The following ITGBL1 variants were observed in gnomAD, a reference collection of about 807,000 sequenced individuals.
ITGBL1 encodes the protein integrin beta-like protein 1.
Under a neutral mutation model 68.5 loss-of-function variants are expected in ITGBL1, and 51 were observed. The observed-to-expected ratio is 0.74, with a 90% confidence interval of 0.59 to 0.94. The LOEUF is 0.94. Among genes scored for constraint, ITGBL1 ranks in the 40% least tolerant of loss-of-function variants. The pLI is 0.00. For synonymous variants in ITGBL1, 209 were observed against 227.3 expected, an observed-to-expected ratio of 0.92 and a Z score of 0.72; for missense variants, 649 against 647.4, an observed-to-expected ratio of 1.00 and a Z score of -0.03.
At chr13:101,635,669 T>A (rs1231618223) in intron 7 of ITGBL1, among the ~76,000 whole-genome samples, 1 of 152,062 alleles carries the variant, frequency 6.6e-6, no homozygotes, top group Admixed American at 6.6e-5. Flanking sequence ...GTACTATAGA[T>A]TAAATGTGCA....
rs778714637 is a variant in ITGBL1 at position 101,567,837 on chromosome 13, C to G, written c.455C>G (p.Ser152Cys). 8 of 1,612,670 alleles carry G rather than the reference C, an allele frequency of 5.0e-6. No individual in the cohort carries two copies. The highest frequency in any genetic ancestry group is 1.3e-5 in the African/African-American group (1 of 74,936). ...MCKNSQDIICSNAGTCHCGRC... is the reference protein window; with the variant it reads ...MCKNSQDIICCNAGTCHCGRC... ...AAGAATTCACAAGACATCATCTGCTCTAATGCAGGTAAGAAGTATACCCTG... is the reference window on the plus strand; with the variant it reads ...AAGAATTCACAAGACATCATCTGCTGTAATGCAGGTAAGAAGTATACCCTG... The change falls in exon 3 of 11, where the codon TCT becomes TGT. Residue 152 changes from serine (S) to cysteine (C), a missense_variant. Transcript: ENST00000376180.
intron 9 of ITGBL1, among the ~76,000 whole-genome samples, chr13:101,710,426 C>T (rs1237368925): frequency 1.3e-5 from 2 of 152,126 alleles, no homozygotes; most frequent in African/African-American, 4.8e-5. Flanking sequence ...CACAGTTACT[C>T]CTGGTTCCAG....
intron 7 of ITGBL1, among the ~76,000 whole-genome samples, chr13:101,614,419 T>C (rs143135101): frequency 6.6e-6 from 1 of 152,202 alleles, no homozygotes; most frequent in Admixed American, 6.5e-5. Context: ...ATGCATATTT[T>C]CTTATGTGTT....
intron 7 of ITGBL1, among the ~76,000 whole-genome samples, chr13:101,612,720 A>T (rs2031191452): frequency 6.6e-6 from 1 of 152,122 alleles, no homozygotes; most frequent in Non-Finnish European, 1.5e-5. Context: ...ATGTGTTAGG[A>T]GGCCTGGAGT....
At chr13:101,640,396 G>A (rs2032321106) in intron 7 of ITGBL1, among the ~76,000 whole-genome samples, 1 of 152,072 alleles carries the variant, frequency 6.6e-6, no homozygotes, top group African/African-American at 2.4e-5. Context: ...AGAATACAAT[G>A]TCCCAGACCA....
Position 101,546,933 on chromosome 13 carries a change from A to T in ITGBL1, c.317-20766A>T, listed in dbSNP as rs147647609. The stretch of plus-strand genomic sequence containing the variant: ...CAATGTGAAGGAAAAACAATTCTCA[A>T]ATATTTTAGTATCAGTAGATCTCTA... On this transcript the variant is annotated intron_variant, in intron 2 of 10. Coordinates refer to ENST00000376180, the MANE Select transcript of ITGBL1 (RefSeq NM_004791.3). Among the ~76,000 whole-genome samples the T allele has an allele frequency of 2.0e-5, 3 of 152,174 alleles. No individual in the cohort carries two copies. In the East Asian group the frequency reaches 5.8e-4, roughly 29 times the overall value.
chr13:101,607,133 C>G (rs951917079), intron 7 of ITGBL1, among the ~76,000 whole-genome samples: 1 of 151,902 alleles, frequency 6.6e-6, no homozygotes, highest in African/African-American at 2.4e-5. Context: ...TTTATGTGCA[C>G]TTTGTCAACA....
chr13:101,712,655 C>A (rs2034525172), intron 9 of ITGBL1: 1 of 152,152 alleles, frequency 6.6e-6, no homozygotes, highest in Non-Finnish European at 1.5e-5. Flanking sequence ...AAATAAAACA[C>A]TAAGTATGGT....
intron 2 of ITGBL1, among the ~76,000 whole-genome samples, chr13:101,558,083 C>CAAAAAAAAAAAAAAAA (rs568103738): frequency 1.4e-5 from 1 of 71,688 alleles, no homozygotes; most frequent in African/African-American, 6.8e-5. Flanking sequence ...AACTCCGTCT[C>CAAAAAAAAAAAAAAAA]AAAAAAAAAA....
At chr13:101,673,887 C>G (rs900906728) in intron 7 of ITGBL1, among the ~76,000 whole-genome samples, 7 of 152,186 alleles carry the variant, frequency 4.6e-5, no homozygotes, top group African/African-American at 1.7e-4. Flanking sequence ...TCAGCAATCA[C>G]TTCCCTCTGA....
At chr13:101,654,421 A>G (rs566412598) in intron 7 of ITGBL1, among the ~76,000 whole-genome samples, 1 of 152,196 alleles carries the variant, frequency 6.6e-6, no homozygotes, top group African/African-American at 2.4e-5. Flanking sequence ...CAGGTAGAAG[A>G]TGATGGTGGC....
intron 2 of ITGBL1, among the ~76,000 whole-genome samples, chr13:101,477,357 A>G (rs1052522969): frequency 6.6e-6 from 1 of 152,076 alleles, no homozygotes; most frequent in African/African-American, 2.4e-5. Context: ...AGGAAAGTTT[A>G]TAGTAATAAG....
chr13:101,603,549 C>G (rs2030518650), intron 7 of ITGBL1, among the ~76,000 whole-genome samples: 1 of 151,988 alleles, frequency 6.6e-6, no homozygotes, highest in African/African-American at 2.4e-5. Flanking sequence ...TCATATCCCT[C>G]AGACTGCTTA....
intron 7 of ITGBL1, among the ~76,000 whole-genome samples, chr13:101,653,096 GAAACA>G (rs1410601281): frequency 6.9e-6 from 1 of 145,822 alleles, no homozygotes; most frequent in African/African-American, 2.5e-5. Context: ...AACTGAGAAA[GAAACA>G]AAGAAAGAAA....
At position 101,686,808 on chromosome 13, in the gene ITGBL1, T is replaced by A. The variant is rs2033765109; in HGVS notation, c.1016-5777T>A. Among the ~76,000 whole-genome samples, 3 of 152,098 alleles carry A rather than the reference T, an allele frequency of 2.0e-5. No homozygotes were observed. The South Asian group carries it at 6.2e-4, about 32-fold the overall frequency. ...TATAAACCCAGAGCAGAGTTTTATT[T>A]CCAGAATTAGTTTTACATATAAAAT... On this transcript the variant is annotated intron_variant, in intron 7 of 10. Transcript: ENST00000376180.
At chr13:101,606,132 C>CACG (rs2030838686) in intron 7 of ITGBL1, among the ~76,000 whole-genome samples, 1 of 143,092 alleles carries the variant, frequency 7.0e-6, no homozygotes, top group Admixed American at 7.1e-5. Flanking sequence ...ATATAGCCTT[C>CACG]ACGTGGTCCC....
intron 2 of ITGBL1, among the ~76,000 whole-genome samples, chr13:101,483,524 G>A (rs1291033749): frequency 6.6e-6 from 1 of 152,100 alleles, no homozygotes. Flanking sequence ...ACTGGAGAAG[G>A]AGAAAAATGT....
intron 7 of ITGBL1, among the ~76,000 whole-genome samples, chr13:101,616,791 G>A (rs2031381519): frequency 2.0e-5 from 3 of 152,086 alleles, no homozygotes; most frequent in Admixed American, 2.0e-4. Context: ...GCAGGCAGCC[G>A]ATAGCTAGTT....
intron 8 of ITGBL1, among the ~76,000 whole-genome samples, chr13:101,695,840 T>C (rs1448278032): frequency 6.6e-6 from 1 of 152,200 alleles, no homozygotes; most frequent in East Asian, 1.9e-4. Flanking sequence ...ATGGTCATAA[T>C]GATTTATGAT....
Sources: allele counts gnomAD v4.1 joint callset (sites outside exome capture counted in the v4.1 genomes callset), GRCh38; gene constraint gnomAD v4.1.1; transcripts MANE v1.5; gene names NCBI Gene and HGNC (gene_info 2026-07-23, HGNC 2026-07-21).